KCNH7: variants seen among roughly 807,000 people sequenced by gnomAD.
KCNH7 encodes potassium voltage-gated channel subfamily H member 7, also known as voltage-gated inwardly rectifying potassium channel KCNH7.
In KCNH7, 49 loss-of-function variants were observed where a neutral mutation model predicts 120.8. The ratio of observed to expected loss-of-function variants is 0.41; its 90% confidence interval spans 0.32 to 0.51. The LOEUF (loss-of-function observed/expected upper bound fraction) is 0.51, where lower values mean the gene tolerates loss of function less well. Among genes scored for constraint, KCNH7 ranks in the 20% least tolerant of loss-of-function variants. KCNH7 has a pLI of 0.38. For synonymous variants in KCNH7, 547 were observed against 516.1 expected (o/e 1.06, Z -0.81); for missense variants, 1,097 against 1,446.6 (o/e 0.76, Z 3.92).
intron 9 of KCNH7, among the ~76,000 whole-genome samples, chr2:162,406,592 T>G (rs367837020): frequency 2.0e-5 from 3 of 151,946 alleles, no homozygotes; most frequent in African/African-American, 7.2e-5. Context: ...AAACACAAAT[T>G]AACACTCCCT....
At chr2:162,493,338 C>T (rs2193456) in intron 6 of KCNH7, among the ~76,000 whole-genome samples, 2,608 of 152,152 alleles carry the variant, frequency 0.017, 223 homozygotes, top group Admixed American at 0.15. Context: ...GAAAAATAAG[C>T]ACTTAGATCA....
intron 2 of KCNH7, among the ~76,000 whole-genome samples, chr2:162,830,183 G>C (rs1029506982): frequency 6.6e-6 from 1 of 152,080 alleles, no homozygotes; most frequent in African/African-American, 2.4e-5. Context: ...GGTTTCTTTC[G>C]GGTGAGAAGC....
Position 162,373,641 on chromosome 2 carries a change from A to G in KCNH7, c.3153T>C (p.Thr1051=). 1 of 1,528,376 alleles carries G rather than the reference A, an allele frequency of 6.5e-7. No homozygotes were observed. The highest frequency in any genetic ancestry group is 8.8e-7 in the Non-Finnish European group (1 of 1,135,790). 94.7% of individuals were successfully genotyped at this position (1,528,376 alleles called of 1,614,324 possible). Reference sequence around the variant, plus strand: ...GCAACTGTAAGATGGTCTGGATGTCAGTGGTCATTTGGGATTCAAGCCTAC... The same window carrying G: ...GCAACTGTAAGATGGTCTGGATGTCGGTGGTCATTTGGGATTCAAGCCTAC... The part of the protein sequence containing the change: ...QLNRLESQMT[T]DIQTILQLLQ... Residue 1051 remains threonine (T), a synonymous_variant, in exon 15 of 16, where the codon ACT becomes ACC. Transcript: ENST00000332142.
At chr2:162,777,875 T>C (rs941988116) in intron 2 of KCNH7, among the ~76,000 whole-genome samples, 51 of 152,134 alleles carry the variant, frequency 3.4e-4, no homozygotes, top group African/African-American at 1.1e-3. Flanking sequence ...CTAACAGTAA[T>C]TGCATTATCA....
At chr2:162,532,163 T>C (rs915791097) in intron 3 of KCNH7, among the ~76,000 whole-genome samples, 3 of 151,940 alleles carry the variant, frequency 2.0e-5, no homozygotes, top group Non-Finnish European at 2.9e-5. Flanking sequence ...TTTATTTACA[T>C]GTAGATGGGG....
At chr2:162,570,210 G>C (rs938258139) in intron 2 of KCNH7, among the ~76,000 whole-genome samples, 1 of 149,016 alleles carries the variant, frequency 6.7e-6, no homozygotes, top group African/African-American at 2.5e-5. Flanking sequence ...GAATCTAGGT[G>C]CTCCTGTATT....
intron 2 of KCNH7, among the ~76,000 whole-genome samples, chr2:162,824,401 G>A (rs1033430468): frequency 3.9e-5 from 6 of 152,062 alleles, no homozygotes; most frequent in African/African-American, 1.4e-4. Context: ...GCATTTTTGT[G>A]TAGTCCTTCA....
intron 2 of KCNH7, among the ~76,000 whole-genome samples, chr2:162,602,535 C>T (rs974750841): frequency 2.6e-5 from 4 of 152,086 alleles, no homozygotes; most frequent in Admixed American, 2.0e-4. Flanking sequence ...CCAAGTCCAT[C>T]GCTGCCATCA....
intron 9 of KCNH7, among the ~76,000 whole-genome samples, chr2:162,407,540 G>A (rs1297054475): frequency 1.3e-5 from 2 of 151,982 alleles, no homozygotes; most frequent in Non-Finnish European, 2.9e-5. Flanking sequence ...AGGCTCTGGA[G>A]TCCTTGTGTT....
chr2:162,653,096 G>T (rs952777221), intron 2 of KCNH7, among the ~76,000 whole-genome samples: 2 of 152,098 alleles, frequency 1.3e-5, no homozygotes, highest in African/African-American at 4.8e-5. Context: ...CTAAGCTCTC[G>T]ATTTAGAAGG....
chr2:162,571,647 A>T (rs2105899683), intron 2 of KCNH7, among the ~76,000 whole-genome samples: 1 of 147,782 alleles, frequency 6.8e-6, no homozygotes, highest in African/African-American at 2.5e-5. Context: ...TTCAAACTAT[A>T]CTACAAGGCT....
At position 162,621,614 on chromosome 2, in the gene KCNH7, C is replaced by A. The variant is rs112464217; in HGVS notation, c.308-84534G>T. On this transcript the variant is annotated intron_variant, in intron 2 of 15. Coordinates refer to ENST00000332142, the MANE Select transcript of KCNH7 (RefSeq NM_033272.4). ...ATTATGTGCATATATATTTAAGTCACAGGCTTTAAATAAATTCAGTAAGTA... is the reference window on the plus strand; with the variant it reads ...ATTATGTGCATATATATTTAAGTCAAAGGCTTTAAATAAATTCAGTAAGTA... Among the ~76,000 whole-genome samples the A allele has an allele frequency of 9.1e-3, 1,386 of 152,198 alleles. 30 individuals carry two copies. The highest frequency in any genetic ancestry group is 0.031 in the African/African-American group (1,308 of 41,528).
chr2:162,634,398 AT>A (rs1464790343), intron 2 of KCNH7, among the ~76,000 whole-genome samples: 2 of 152,052 alleles, frequency 1.3e-5, no homozygotes, highest in Admixed American at 1.3e-4. Flanking sequence ...CAAGGGACAT[AT>A]TGACAAAGGG....
At chr2:162,377,078 C>G (rs1686222005) in intron 14 of KCNH7, among the ~76,000 whole-genome samples, 1 of 152,066 alleles carries the variant, frequency 6.6e-6, no homozygotes, top group Admixed American at 6.6e-5. Flanking sequence ...CGAAGCTAAA[C>G]AGGGTAGACT....
At chr2:162,736,855 A>G (rs536801899) in intron 2 of KCNH7, among the ~76,000 whole-genome samples, 1 of 152,280 alleles carries the variant, frequency 6.6e-6, no homozygotes, top group South Asian at 2.1e-4. Context: ...CTGCACAATG[A>G]CTAGCAATTA....
intron 2 of KCNH7, among the ~76,000 whole-genome samples, chr2:162,737,348 C>G (rs1191257068): frequency 1.3e-5 from 2 of 152,134 alleles, no homozygotes; most frequent in East Asian, 3.9e-4. Flanking sequence ...TTGCAAAACA[C>G]AAGGCCAGAA....
At chr2:162,635,669 T>C (rs1401194858) in intron 2 of KCNH7, among the ~76,000 whole-genome samples, 5 of 152,124 alleles carry the variant, frequency 3.3e-5, no homozygotes, top group African/African-American at 1.2e-4. Flanking sequence ...TTTGTCTTTG[T>C]TGCCTAATGA....
At chr2:162,554,942 C>T (rs1692807325) in intron 2 of KCNH7, among the ~76,000 whole-genome samples, 2 of 152,226 alleles carry the variant, frequency 1.3e-5, no homozygotes, top group South Asian at 4.1e-4. Flanking sequence ...GTCTTTGTAA[C>T]ACTTCTAGAA....
chr2:162,723,234 A>C (rs34373204), intron 2 of KCNH7, among the ~76,000 whole-genome samples: 3,408 of 152,100 alleles, frequency 0.022, 67 homozygotes, highest in East Asian at 0.11. Context: ...TTAGTAAAAA[A>C]AACCACCTTT....
Sources: allele counts gnomAD v4.1 joint callset (sites outside exome capture counted in the v4.1 genomes callset), GRCh38; gene constraint gnomAD v4.1.1; transcripts MANE v1.5; gene names NCBI Gene and HGNC (gene_info 2026-07-23, HGNC 2026-07-21).